PAG1: variants seen among roughly 807,000 people sequenced by gnomAD.
The protein encoded by PAG1 is phosphoprotein membrane anchor with glycosphingolipid microdomains 1.
Under a neutral mutation model 31.7 loss-of-function variants are expected in PAG1, and 23 were observed. The observed-to-expected ratio is 0.73, with a 90% CI of 0.52 to 1.03. PAG1 has a LOEUF of 1.03. Among genes scored for constraint, PAG1 ranks in the 50% least tolerant of loss-of-function variants. The pLI, the probability that PAG1 is intolerant of heterozygous loss-of-function variation, is 0.00. For synonymous variants in PAG1, 214 were observed against 210.3 expected, an observed-to-expected ratio of 1.02 and a Z score of -0.15; for missense variants, 473 against 540.7, an observed-to-expected ratio of 0.87 and a Z score of 1.24.
chr8:81,018,364 A>C (rs1808106396), intron 3 of PAG1, among the ~76,000 whole-genome samples: 1 of 152,242 alleles, frequency 6.6e-6, no homozygotes, highest in African/African-American at 2.4e-5. Flanking sequence ...TTAATATTTT[A>C]ATATGATTTT....
intron 2 of PAG1, among the ~76,000 whole-genome samples, chr8:81,046,260 C>G (rs751481327): frequency 2.0e-5 from 3 of 152,192 alleles, no homozygotes; most frequent in Non-Finnish European, 4.4e-5. Context: ...AAGAATGCAT[C>G]TCTAATGCTT....
chr8:81,103,153 GGAAAA>G (rs200281080), intron 1 of PAG1, among the ~76,000 whole-genome samples: 95 of 140,628 alleles, frequency 6.8e-4, no homozygotes, highest in South Asian at 1.5e-3. Flanking sequence ...TCATTTTGTG[GGAAAA>G]AAAAAAAAAA....
rs1429641350 is a variant in PAG1 at position 80,970,183 on chromosome 8, A to C, written c.*6361T>G. On this transcript the variant is annotated 3_prime_UTR_variant, in exon 9 of 9. Coordinates refer to ENST00000220597, the MANE Select transcript of PAG1 (RefSeq NM_018440.4). Reference sequence around the variant, plus strand: ...GAGTGCAGTGTTGCGATCTCAGCTCATTGCAACCTCTGCCTCCCAGGTTCA... The same window carrying C: ...GAGTGCAGTGTTGCGATCTCAGCTCCTTGCAACCTCTGCCTCCCAGGTTCA... The C allele has an allele frequency of 6.6e-6, 1 of 152,122 alleles. No homozygotes were observed. Among genetic ancestry groups the C allele is most frequent in the South Asian group, 2.1e-4 (1 of 4,824 alleles). 9.4% of individuals were successfully genotyped at this position (152,122 alleles called of 1,614,324 possible). A position where few individuals can be genotyped will look rare whatever the true frequency, so the allele number is the denominator to read the frequency against.
Position 80,972,941 on chromosome 8 carries a change from G to A in PAG1, c.*3603C>T, listed in dbSNP as rs1807108420. 1 of 115,992 alleles carries A rather than the reference G, an allele frequency of 8.6e-6. No individual in the cohort carries two copies. The highest frequency in any genetic ancestry group is 4.5e-5 in the African/African-American group (1 of 22,252). The allele number at this position is 115,992 out of a possible 1,614,324, so 7.2% of individuals were successfully genotyped here. Reference sequence around the variant, plus strand: ...AGTATATACACACACACACGTATACGTGTGTGTGTGTGTGTGTGTGTGTGT... The same window carrying A: ...AGTATATACACACACACACGTATACATGTGTGTGTGTGTGTGTGTGTGTGT... On this transcript the variant is annotated 3_prime_UTR_variant, in exon 9 of 9. Transcript: ENST00000220597.
intron 3 of PAG1, among the ~76,000 whole-genome samples, chr8:81,005,116 G>A (rs1807852910): frequency 6.6e-6 from 1 of 152,206 alleles, no homozygotes; most frequent in Non-Finnish European, 1.5e-5. Context: ...ACCTGGTGAG[G>A]AAAAGAGGGG....
intron 2 of PAG1, among the ~76,000 whole-genome samples, chr8:81,065,684 A>T (rs1808992605): frequency 6.6e-6 from 1 of 152,176 alleles, no homozygotes; most frequent in East Asian, 1.9e-4. Flanking sequence ...AAAATCAGTT[A>T]ATGTTGAGGG....
At chr8:81,046,698 T>C (rs1158287810) in intron 2 of PAG1, among the ~76,000 whole-genome samples, 2 of 152,144 alleles carry the variant, frequency 1.3e-5, no homozygotes, top group East Asian at 3.9e-4. Context: ...AATTTTTATT[T>C]TAAGTTCAGG....
chr8:80,989,536 C>T (rs879127098), intron 5 of PAG1, among the ~76,000 whole-genome samples: 3 of 152,116 alleles, frequency 2.0e-5, no homozygotes, highest in African/African-American at 7.2e-5. Flanking sequence ...TGTGTGTGCT[C>T]GCGCTCTCTC....
intron 1 of PAG1, among the ~76,000 whole-genome samples, chr8:81,076,308 CA>C (rs1331442886): frequency 6.6e-6 from 1 of 152,230 alleles, no homozygotes; most frequent in African/African-American, 2.4e-5. Flanking sequence ...TATCACCTAA[CA>C]GCCCATGATT....
chr8:81,070,216 G>A (rs924308535), intron 1 of PAG1, 46 bp from the exon 2 acceptor site: 6 of 152,220 alleles, frequency 3.9e-5, no homozygotes, highest in Middle Eastern at 6.8e-3. Context: ...TTCTGAACTG[G>A]ATTAAAACTG....
Position 80,987,385 on chromosome 8 carries a change from G to C in PAG1, c.259C>G (p.Leu87Val). The C allele has an allele frequency of 1.9e-6, 3 of 1,610,972 alleles. No homozygotes were observed. The highest frequency in any genetic ancestry group is 2.5e-6 in the Non-Finnish European group (3 of 1,177,086). The change falls in exon 6 of 9, where the codon CTC becomes GTC. Residue 87 changes from leucine (L) to valine (V), a missense_variant. Physicochemically the swap from Leu to Val is conservative, Grantham distance 32. Transcript: ENST00000220597. ...CAGAACTTACTGTCCCCATTGGTGA[G>C]TGCCCCATTCTGCTCACTGCTGGCA... ...APASSEQNGA[L>V]TNGDILSEDS...
At chr8:81,039,094 TAA>T (rs1215443402) in intron 2 of PAG1, among the ~76,000 whole-genome samples, 1 of 152,160 alleles carries the variant, frequency 6.6e-6, no homozygotes, top group African/African-American at 2.4e-5. Context: ...TGGACTCTAA[TAA>T]GAGTCCATGT....
In PAG1 at chr8:81,017,973, CTT is replaced by C. The variant is rs1808100621; in HGVS notation, c.-81+12021_-81+12022del. Among the ~76,000 whole-genome samples the C allele has an allele frequency of 2.0e-5, 3 of 152,278 alleles. No homozygotes were observed. The East Asian group carries it at 5.8e-4, about 29-fold the overall frequency. On this transcript the variant is annotated intron_variant, in intron 3 of 8. Transcript: ENST00000220597. ...TTTTAAAGGCAGTCCTAAATAAACCCTTTTTATATGTCTATAATCAAAACCCA... is the reference window on the plus strand; with the variant it reads ...TTTTAAAGGCAGTCCTAAATAAACCCTTTATATGTCTATAATCAAAACCCA...
At chr8:81,048,458 A>G (rs535015160) in intron 2 of PAG1, among the ~76,000 whole-genome samples, 1 of 152,202 alleles carries the variant, frequency 6.6e-6, no homozygotes, top group Admixed American at 6.5e-5. Flanking sequence ...GCTACCATCC[A>G]TGAATATGAA....
intron 1 of PAG1, among the ~76,000 whole-genome samples, chr8:81,072,128 G>A (rs529641797): frequency 6.6e-6 from 1 of 152,148 alleles, no homozygotes; most frequent in Admixed American, 6.5e-5. Context: ...GCAGGGTTGG[G>A]GTTCTGCTAG....
At chr8:81,083,645 T>C (rs1809304391) in intron 1 of PAG1, among the ~76,000 whole-genome samples, 1 of 152,190 alleles carries the variant, frequency 6.6e-6, no homozygotes, top group South Asian at 2.1e-4. Context: ...CCTTTTCTAG[T>C]CCTCTGGTTT....
At chr8:81,055,800 T>C (rs1284035396) in intron 2 of PAG1, among the ~76,000 whole-genome samples, 1 of 152,132 alleles carries the variant, frequency 6.6e-6, no homozygotes, top group Non-Finnish European at 1.5e-5. Flanking sequence ...TTTTTGCACA[T>C]TGATTTTGTA....
At chr8:81,032,522 A>T (rs769130510) in intron 2 of PAG1, among the ~76,000 whole-genome samples, 7 of 152,232 alleles carry the variant, frequency 4.6e-5, no homozygotes, top group Non-Finnish European at 5.9e-5. Flanking sequence ...ATACCACTTC[A>T]TACCTTCCTA....
chr8:80,976,812 A>G lies in PAG1; in HGVS notation c.1031T>C (p.Ile344Thr). ...LTVPESTYTS[I>T]QGDPQRSPSS... ...GGGTGACCTCTGTGGGTCCCCTTGA[A>G]TGGAGGTGTAGGTGGACTCCGGAAC... Residue 344 changes from isoleucine to threonine, a missense_variant, in exon 9 of 9, where the codon ATT (isoleucine) becomes ACT (threonine). Physicochemically the swap from Ile to Thr is moderately conservative, Grantham distance 89 (BLOSUM62 -1). Transcript: ENST00000220597. 2 of 1,609,670 alleles carry G rather than the reference A, an allele frequency of 1.2e-6. No individual in the cohort carries two copies. The highest frequency in any genetic ancestry group is 1.7e-6 in the Non-Finnish European group (2 of 1,177,494).
Sources: gnomAD v4.1 joint callset for allele counts (sites outside exome capture counted in the v4.1 genomes callset) on GRCh38, gnomAD v4.1.1 for gene constraint, MANE v1.5 for transcripts, NCBI Gene and HGNC (gene_info 2026-07-23, HGNC 2026-07-21) for gene names.